TANC1: variants seen among roughly 807,000 people sequenced by gnomAD.
TANC1 encodes protein TANC1.
In TANC1, 77 loss-of-function variants were observed where a neutral mutation model predicts 149.7. The ratio of observed to expected loss-of-function variants is 0.51; its 90% CI spans 0.43 to 0.62. The LOEUF is 0.62. Among genes scored for constraint, TANC1 ranks in the 20% least tolerant of loss-of-function variants. TANC1 has a pLI of 0.00. For synonymous variants in TANC1, 854 were observed against 925.0 expected (o/e 0.92, Z 1.39); for missense variants, 1,985 against 2,321.8 (o/e 0.85, Z 2.98).
chr2:159,181,601 C>T (rs535477299), intron 14 of TANC1, among the ~76,000 whole-genome samples: 11 of 152,196 alleles, frequency 7.2e-5, no homozygotes, highest in Non-Finnish European at 1.2e-4. Context: ...CCGGCCCCCT[C>T]GTTAGATTTT....
chr2:159,214,301 T>C (rs1371374920), intron 19 of TANC1, among the ~76,000 whole-genome samples: 2 of 152,212 alleles, frequency 1.3e-5, no homozygotes, highest in African/African-American at 4.8e-5. Flanking sequence ...CTCAACTCTT[T>C]AGCTTTCTGC....
At chr2:159,108,111 G>A (rs1021277076) in intron 4 of TANC1, among the ~76,000 whole-genome samples, 4 of 152,160 alleles carry the variant, frequency 2.6e-5, no homozygotes, top group South Asian at 2.1e-4. Context: ...ACTAATGGAC[G>A]CATAGGCAAT....
chr2:159,145,790 G>T lies in TANC1; in HGVS notation c.365-3352G>T, dbSNP rs2052008006. ...GGTTCCATGAATGTGCTGCTGGGGG[G>T]AGTATTGTTCTCCACTTGCCTAATG... On this transcript the variant is annotated intron_variant, in intron 5 of 26. Transcript: ENST00000263635. Among the ~76,000 whole-genome samples, 3 of 152,112 alleles carry T rather than the reference G, an allele frequency of 2.0e-5. No homozygotes were observed. In the South Asian group the frequency reaches 6.2e-4, roughly 32 times the overall value.
At chr2:158,992,074 A>C (rs568039125) in intron 1 of TANC1, among the ~76,000 whole-genome samples, 3 of 152,010 alleles carry the variant, frequency 2.0e-5, no homozygotes, top group Non-Finnish European at 2.9e-5. Context: ...AGAGTAATAC[A>C]CGTTTAGGCT....
intron 2 of TANC1, among the ~76,000 whole-genome samples, chr2:159,013,565 T>G (rs1237395869): frequency 6.6e-6 from 1 of 152,190 alleles, no homozygotes; most frequent in African/African-American, 2.4e-5. Flanking sequence ...GTAAGATCTT[T>G]GCAGGAGAGG....
At chr2:159,136,094 C>G in intron 4 of TANC1, 100 bp from the exon 5 acceptor site, 1 of 714,304 alleles carries the variant, frequency 1.4e-6, no homozygotes, top group South Asian at 1.6e-5. Context: ...GGCTCTTCCT[C>G]TAGGCATATT....
At chr2:159,136,045 T>TGTGTGTGTGTGG in intron 4 of TANC1, 149 bp from the exon 5 acceptor site, 1 of 107,796 alleles carries the variant, frequency 9.3e-6, no homozygotes, top group Non-Finnish European at 2.0e-5. Flanking sequence ...TGTGTGTGTG[T>TGTGTGTGTGTGG]GTGTGCGCGC....
At chr2:159,203,589 A>C (rs1417338366) in intron 19 of TANC1, among the ~76,000 whole-genome samples, 2 of 152,042 alleles carry the variant, frequency 1.3e-5, no homozygotes, top group Non-Finnish European at 2.9e-5. Flanking sequence ...TTTTTGAGAC[A>C]GGGTCTCACT....
At chr2:159,101,192 G>T (rs1253172903) in intron 4 of TANC1, among the ~76,000 whole-genome samples, 1 of 152,064 alleles carries the variant, frequency 6.6e-6, no homozygotes, top group Non-Finnish European at 1.5e-5. Context: ...AACCAAACTT[G>T]TTTCAGTTGT....
In TANC1 at chr2:159,088,056, C is replaced by T. The variant is rs567819801; in HGVS notation, c.62-9581C>T. Among the ~76,000 whole-genome samples the T allele has an allele frequency of 2.6e-5, 4 of 151,392 alleles. No homozygotes were observed. In the South Asian group the frequency reaches 8.5e-4, roughly 32 times the overall value. On this transcript the variant is annotated intron_variant, in intron 3 of 26. Transcript: ENST00000263635. Reference sequence around the variant, plus strand: ...AGCCTTCAGAGAGATCATGGCCTTGCCTGATACCTTGATGTTGGACTTGGA... The same window carrying T: ...AGCCTTCAGAGAGATCATGGCCTTGTCTGATACCTTGATGTTGGACTTGGA...
intron 19 of TANC1, among the ~76,000 whole-genome samples, chr2:159,210,579 T>C (rs2058918267): frequency 6.6e-6 from 1 of 152,188 alleles, no homozygotes; most frequent in African/African-American, 2.4e-5. Context: ...GTTTTTTGTT[T>C]TTTTTTGAGA....
chr2:159,057,130 G>T (rs151052731), intron 2 of TANC1, among the ~76,000 whole-genome samples: 2 of 151,976 alleles, frequency 1.3e-5, no homozygotes, highest in Non-Finnish European at 2.9e-5. Flanking sequence ...ATCTCCTTCT[G>T]TTGCCCAGGC....
intron 19 of TANC1, among the ~76,000 whole-genome samples, chr2:159,216,011 C>T (rs1468548081): frequency 1.3e-5 from 2 of 152,120 alleles, no homozygotes; most frequent in Non-Finnish European, 2.9e-5. Flanking sequence ...GGGTGCATCT[C>T]TGCAAGTGGG....
At chr2:159,058,948 A>G (rs2042040418) in intron 2 of TANC1, among the ~76,000 whole-genome samples, 2 of 152,224 alleles carry the variant, frequency 1.3e-5, no homozygotes, top group Admixed American at 6.5e-5. Flanking sequence ...TTGGTGCATC[A>G]GAACTTAAGC....
At chr2:158,990,483 C>T (rs911671999) in intron 1 of TANC1, among the ~76,000 whole-genome samples, 1 of 152,168 alleles carries the variant, frequency 6.6e-6, no homozygotes, top group Non-Finnish European at 1.5e-5. Flanking sequence ...CAGGTTGAGG[C>T]TGGAGCAGAG....
intron 2 of TANC1, among the ~76,000 whole-genome samples, chr2:159,039,993 T>C (rs568082622): frequency 6.6e-6 from 1 of 152,342 alleles, no homozygotes; most frequent in Non-Finnish European, 1.5e-5. Context: ...TCTAAGTCTC[T>C]TTGTAGGTCT....
chr2:159,200,036 G>C (rs1219910399), intron 19 of TANC1, among the ~76,000 whole-genome samples: 1 of 152,154 alleles, frequency 6.6e-6, no homozygotes, highest in Non-Finnish European at 1.5e-5. Context: ...CAGCGGAGTT[G>C]GATTATGTCT....
At chr2:159,000,507 C>T (rs11902017) in intron 1 of TANC1, among the ~76,000 whole-genome samples, 11,245 of 151,994 alleles carry the variant, frequency 0.074, 627 homozygotes, top group East Asian at 0.16. Context: ...CGTCTTTCTG[C>T]ACAGTGATGT....
At chr2:159,125,287 G>T (rs2049318574) in intron 4 of TANC1, among the ~76,000 whole-genome samples, 1 of 152,184 alleles carries the variant, frequency 6.6e-6, no homozygotes, top group Admixed American at 6.5e-5. Flanking sequence ...TGCATTTGGT[G>T]TTTACCTGTA....
Sources: allele counts gnomAD v4.1 joint callset (sites outside exome capture counted in the v4.1 genomes callset), GRCh38; gene constraint gnomAD v4.1.1; transcripts MANE v1.5; gene names NCBI Gene and HGNC (gene_info 2026-07-23, HGNC 2026-07-21).